Variants in LONP2 observed in about 807,000 individuals in gnomAD.
LONP2 encodes lon protease homolog 2, peroxisomal.
Under a neutral mutation model 85.6 loss-of-function variants are expected in LONP2, and 60 were observed. The observed-to-expected ratio is 0.70, with a 90% CI of 0.57 to 0.87. LONP2 has a LOEUF of 0.87. Ranked by LOEUF, LONP2 falls within the 40% of genes least tolerant of loss-of-function variation. The probability of loss-of-function intolerance (pLI) is 0.00; values close to 1 mark genes in which losing one functional copy is unlikely to be tolerated. For missense variants in LONP2, 860 were observed against 1,063.5 expected (o/e 0.81, Z 2.66); for synonymous variants, 395 against 389.7 (o/e 1.01, Z -0.16).
chr16:48,351,314 A>T (rs1184854943), intron 14 of LONP2, among the ~76,000 whole-genome samples: 2 of 152,188 alleles, frequency 1.3e-5, no homozygotes, highest in African/African-American at 4.8e-5. Context: ...TTATAAAAAC[A>T]ATCATTGACA....
At chr16:48,308,025 GC>G in intron 11 of LONP2, among the ~76,000 whole-genome samples, 1 of 152,298 alleles carries the variant, frequency 6.6e-6, no homozygotes, top group East Asian at 1.9e-4. Flanking sequence ...AAGGCACCAA[GC>G]CATTTATCAG....
intron 11 of LONP2, among the ~76,000 whole-genome samples, chr16:48,321,968 C>CT (rs1285668927): frequency 1.5e-5 from 2 of 135,566 alleles, no homozygotes; most frequent in East Asian, 4.2e-4. Context: ...ACTTCTTTTT[C>CT]TTTTTTTGAG....
chr16:48,337,593 G>A (rs1278756590), intron 12 of LONP2, among the ~76,000 whole-genome samples: 3 of 152,010 alleles, frequency 2.0e-5, no homozygotes, highest in Admixed American at 2.0e-4. Flanking sequence ...TATTACTCTA[G>A]AAAAACATCA....
intron 4 of LONP2, among the ~76,000 whole-genome samples, chr16:48,260,835 A>C (rs951970011): frequency 7.9e-5 from 12 of 152,230 alleles, no homozygotes; most frequent in African/African-American, 2.7e-4. Context: ...GTAATTGATG[A>C]GGTAGGGGAT....
At position 48,351,695 on chromosome 16, in the gene LONP2, G is replaced by A. The variant is rs755334449; in HGVS notation, c.2452G>A (p.Asp818Asn). 5.6e-6 allele frequency: 9 copies of A among 1,614,174 alleles called. No individual in the cohort carries two copies. Among genetic ancestry groups the A allele is most frequent in the Non-Finnish European group, 7.6e-6 (9 of 1,180,026 alleles). Residue 818 changes from aspartate to asparagine, a missense_variant, in exon 15 of 15, where the codon GAT becomes AAT. Asp to Asn is a conservative substitution (Grantham distance 23, BLOSUM62 1). Coordinates refer to ENST00000285737, the MANE Select transcript of LONP2 (RefSeq NM_031490.5). ...GGGAATCCCAGGCAACGTACGACAGGATTTAAGTTTTGTCACAGCAAGCTG... is the reference window on the plus strand; with the variant it reads ...GGGAATCCCAGGCAACGTACGACAGAATTTAAGTTTTGTCACAGCAAGCTG... Reference protein sequence around the residue: ...LEGIPGNVRQDLSFVTASCLD... With the variant: ...LEGIPGNVRQNLSFVTASCLD...
intron 1 of LONP2, among the ~76,000 whole-genome samples, chr16:48,247,722 C>T (rs1346394691): frequency 2.0e-5 from 3 of 152,176 alleles, no homozygotes; most frequent in Non-Finnish European, 4.4e-5. Context: ...TTTAGTACTA[C>T]CTGTACAATA....
intron 14 of LONP2, among the ~76,000 whole-genome samples, chr16:48,350,368 G>A (rs1249444274): frequency 7.4e-5 from 11 of 148,726 alleles, no homozygotes; most frequent in Non-Finnish European, 1.6e-4. Context: ...TAGCTTGGGT[G>A]ACAGAGTAAG....
Position 48,334,286 on chromosome 16 carries a change from A to G in LONP2, c.1866A>G (p.Pro622=). 6.2e-7 allele frequency: 1 copy of G among 1,614,124 alleles called. No homozygotes were observed. Among genetic ancestry groups the G allele is most frequent in the South Asian group, 1.1e-5 (1 of 91,086 alleles). Residue 622 remains proline (P), a synonymous_variant, in exon 12 of 15, where the codon CCA becomes CCG. Coordinates refer to ENST00000285737, the MANE Select transcript of LONP2 (RefSeq NM_031490.5). The part of the protein sequence containing the change: ...SISDTTDLAL[P]PEMPILIDFH... The stretch of plus-strand genomic sequence containing the variant: ...GTGACACTACTGACTTGGCTCTACC[A>G]CCTGAAATGCCGATTTTGATTGATT...
intron 11 of LONP2, among the ~76,000 whole-genome samples, chr16:48,328,006 T>C (rs570741188): frequency 6.6e-6 from 1 of 152,258 alleles, no homozygotes; most frequent in African/African-American, 2.4e-5. Flanking sequence ...TTTGTTTTCT[T>C]GTAATTGAAG....
chr16:48,269,723 T>A (rs1972063245), intron 6 of LONP2, among the ~76,000 whole-genome samples: 1 of 152,138 alleles, frequency 6.6e-6, no homozygotes, highest in East Asian at 1.9e-4. Flanking sequence ...CCAGCACACA[T>A]ACAATATGTA....
rs1309234235 is a variant in LONP2 at position 48,353,013 on chromosome 16, T to A, written c.*1211T>A. The stretch of plus-strand genomic sequence containing the variant: ...TCATCTGCTTACTGGCTGTGTGAAC[T>A]TTTTGTATCTTGGTTTTCTTCATCC... On this transcript the variant is annotated 3_prime_UTR_variant, in exon 15 of 15. Transcript: ENST00000285737. 1.3e-5 allele frequency: 2 copies of A among 152,236 alleles called. No individual in the cohort carries two copies. The highest frequency in any genetic ancestry group is 6.5e-5 in the Admixed American group (1 of 15,286). 9.4% of individuals were successfully genotyped at this position (152,236 alleles called of 1,614,324 possible). A position where few individuals can be genotyped will look rare whatever the true frequency, so the allele number is the denominator to read the frequency against.
intron 6 of LONP2, among the ~76,000 whole-genome samples, chr16:48,267,850 A>T (rs769440590): frequency 5.3e-5 from 8 of 152,134 alleles, no homozygotes; most frequent in Non-Finnish European, 8.8e-5. Context: ...TCCTGACCTC[A>T]AGTGATCCTC....
In LONP2 at chr16:48,356,746, A is replaced by AT; in HGVS notation, c.*4944_*4945insT. 3.1e-6 allele frequency: 1 copy of AT among 323,548 alleles called. No individual in the cohort carries two copies. Among genetic ancestry groups the AT allele is most frequent in the Non-Finnish European group, 6.2e-6 (1 of 160,470 alleles). 20.0% of individuals were successfully genotyped at this position (323,548 alleles called of 1,614,324 possible). A position where few individuals can be genotyped will look rare whatever the true frequency, so the allele number is the denominator to read the frequency against. ...ATTGAGATGTTTTAAAAGTTACAGC[A>AT]AAAGGACTTCTAAAACAATTTTAGG... On this transcript the variant is annotated 3_prime_UTR_variant, in exon 15 of 15. Coordinates refer to ENST00000285737, the MANE Select transcript of LONP2 (RefSeq NM_031490.5).
chr16:48,257,462 G>C (rs998096708), intron 3 of LONP2, among the ~76,000 whole-genome samples: 1 of 151,956 alleles, frequency 6.6e-6, no homozygotes, highest in African/African-American at 2.4e-5. Context: ...CACCTATGAT[G>C]CATTACTTAT....
chr16:48,269,050 C>G (rs754476264), intron 6 of LONP2, among the ~76,000 whole-genome samples: 3 of 152,122 alleles, frequency 2.0e-5, no homozygotes, highest in Non-Finnish European at 4.4e-5. Context: ...CTTCTGTTAC[C>G]TGGTGTTTAA....
At chr16:48,339,453 C>T (rs74017922) in intron 12 of LONP2, among the ~76,000 whole-genome samples, 1,870 of 152,012 alleles carry the variant, frequency 0.012, 40 homozygotes, top group African/African-American at 0.042. Context: ...GAATGGGAGG[C>T]GAGGAAGTAG....
chr16:48,347,509 AT>A lies in LONP2; in HGVS notation c.1942del (p.Ser648LeufsTer4). 2.5e-6 allele frequency: 4 copies of A among 1,614,174 alleles called. No homozygotes were observed. The highest frequency in any genetic ancestry group is 2.5e-6 in the Non-Finnish European group (3 of 1,180,022). On this transcript the variant is annotated frameshift_variant, in exon 13 of 15. Coordinates refer to ENST00000285737, the MANE Select transcript of LONP2 (RefSeq NM_031490.5). LOFTEE classifies it high-confidence loss of function. ...CTGATCATTCTTCTTCTTTCAAGGT[AT>A]CTCAGCGTTTGAGTCAGCCAGGAGT... ...LGPPMYEMEV[S>X]QRLSQPGVAI...
chr16:48,289,577 T>C (rs1972517979), intron 8 of LONP2, among the ~76,000 whole-genome samples: 1 of 152,150 alleles, frequency 6.6e-6, no homozygotes, highest in Non-Finnish European at 1.5e-5. Context: ...GGGCCAAATA[T>C]ATTTTCTTTT....
At position 48,296,173 on chromosome 16, in the gene LONP2, ACT is replaced by A. The variant is rs1175435035; in HGVS notation, c.1534+11_1534+12del. 6.2e-7 allele frequency: 1 copy of A among 1,613,422 alleles called. No individual in the cohort carries two copies. The highest frequency in any genetic ancestry group is 2.2e-5 in the East Asian group (1 of 44,852). ...AGATCATTCAGGTTCCAGGTACCTG[ACT>A]CTTAAATCATTATGATACATCTTGC... On this transcript the variant is annotated intron_variant, in intron 9 of 14. Transcript: ENST00000285737.
Sources: allele counts gnomAD v4.1 joint callset (sites outside exome capture counted in the v4.1 genomes callset), GRCh38; gene constraint gnomAD v4.1.1; transcripts MANE v1.5; gene names NCBI Gene and HGNC (gene_info 2026-07-23, HGNC 2026-07-21).